BACH1: variants seen among roughly 807,000 people sequenced by gnomAD.
BACH1 encodes the protein transcription regulator protein BACH1.
In BACH1, 35 loss-of-function variants were observed where a neutral mutation model predicts 52.9. That is an observed-to-expected ratio of 0.66 (90% CI 0.51 to 0.88). The LOEUF (loss-of-function observed/expected upper bound fraction) is 0.88, where lower values mean the gene tolerates loss of function less well. Among genes scored for constraint, BACH1 ranks in the 40% least tolerant of loss-of-function variants. The pLI is 0.00. For missense variants in BACH1, 808 were observed against 872.6 expected, an observed-to-expected ratio of 0.93 and a Z score of 0.93; for synonymous variants, 321 against 319.6, an observed-to-expected ratio of 1.00 and a Z score of -0.05.
chr21:29,302,028 A>G (rs781096409), intron 1 of BACH1, among the ~76,000 whole-genome samples: 11 of 152,094 alleles, frequency 7.2e-5, no homozygotes, highest in Non-Finnish European at 1.6e-4. Context: ...TAAAATTACC[A>G]CTTGTCAGAT....
intron 1 of BACH1, among the ~76,000 whole-genome samples, chr21:29,305,812 G>T (rs1179330364): frequency 2.6e-5 from 4 of 152,176 alleles, no homozygotes; most frequent in African/African-American, 7.2e-5. Flanking sequence ...AATATTTGTG[G>T]CATTCCTACA....
At chr21:29,341,987 A>G (rs1219523185) in intron 4 of BACH1, among the ~76,000 whole-genome samples, 1 of 152,168 alleles carries the variant, frequency 6.6e-6, no homozygotes, top group Non-Finnish European at 1.5e-5. Flanking sequence ...AAGCTCCAAA[A>G]ACCGTATGTT....
intron 3 of BACH1, 21 bp downstream of exon 3, chr21:29,327,414 A>G (rs1399194634): frequency 7.5e-6 from 12 of 1,594,682 alleles, no homozygotes; most frequent in Non-Finnish European, 9.4e-6. Context: ...ATATGTTCTT[A>G]ATTCATTGTT....
At chr21:29,347,337 CAG>C (rs566164544), downstream of BACH1, among the ~76,000 whole-genome samples, 25 of 152,284 alleles carry the variant, frequency 1.6e-4, no homozygotes, top group East Asian at 3.9e-4. Flanking sequence ...AAAATGTAAA[CAG>C]GGAGCAAATT....
chr21:29,351,718 G>A (rs371284823), intron 2 of BACH1: 21 of 534,604 alleles, frequency 3.9e-5, no homozygotes, highest in Non-Finnish European at 8.1e-5. Context: ...CTCTGTTTCA[G>A]CTAAACAGTA....
chr21:29,349,093 C>CAA (rs35556925), downstream of BACH1, among the ~76,000 whole-genome samples: 9 of 122,398 alleles, frequency 7.4e-5, no homozygotes, highest in South Asian at 1.0e-3. Context: ...GACTCCGTCT[C>CAA]AAAAAAAAAA....
chr21:29,318,253 TG>T (rs754184464), intron 1 of BACH1, among the ~76,000 whole-genome samples: 9 of 152,162 alleles, frequency 5.9e-5, no homozygotes, highest in Non-Finnish European at 5.9e-5. Flanking sequence ...GATGATGGCT[TG>T]GATTAGAGTT....
At position 29,342,725 on chromosome 21, in the gene BACH1, G is replaced by A. The variant is rs1475072812; in HGVS notation, c.2103G>A (p.Met701Ile). The A allele has an allele frequency of 6.2e-7, 1 of 1,614,206 alleles. No homozygotes were observed. Among genetic ancestry groups the A allele is most frequent in the Non-Finnish European group, 8.5e-7 (1 of 1,180,046 alleles). Residue 701 changes from methionine (M) to isoleucine (I), a missense_variant, in exon 5 of 5, where the codon ATG (methionine) becomes ATA (isoleucine). Met to Ile is a conservative substitution (Grantham distance 10). Coordinates refer to ENST00000286800, the MANE Select transcript of BACH1 (RefSeq NM_001186.4). ...GYARGQESQQ[M>I]STATSEQAGP... The stretch of plus-strand genomic sequence containing the variant: ...CGCGAGGGCAGGAGTCCCAGCAGAT[G>A]TCCACAGCCACCTCTGAGCAAGCTG...
At chr21:29,325,314 A>G (rs2088897561) in intron 2 of BACH1, among the ~76,000 whole-genome samples, 1 of 152,140 alleles carries the variant, frequency 6.6e-6, no homozygotes, top group Admixed American at 6.5e-5. Flanking sequence ...TGTGCTTTTA[A>G]TCCAGGATGA....
At chr21:29,315,885 T>G (rs2088780599) in intron 1 of BACH1, among the ~76,000 whole-genome samples, 1 of 152,208 alleles carries the variant, frequency 6.6e-6, no homozygotes, top group Non-Finnish European at 1.5e-5. Flanking sequence ...TATTTGTGTT[T>G]TCTTGGCACT....
intron 2 of BACH1, among the ~76,000 whole-genome samples, chr21:29,324,231 CAAAAAAA>C (rs35915821): frequency 3.0e-4 from 19 of 63,174 alleles, no homozygotes; most frequent in South Asian, 1.7e-3. Context: ...GACTCTGCCT[CAAAAAAA>C]AAAAAAAAAA....
chr21:29,350,618 G>A (rs1363143922), downstream of BACH1, among the ~76,000 whole-genome samples: 1 of 152,210 alleles, frequency 6.6e-6, no homozygotes, highest in East Asian at 1.9e-4. Context: ...AGTGCTAGTG[G>A]TGCTATTTGG....
chr21:29,333,206 T>C (rs557349454), intron 4 of BACH1, among the ~76,000 whole-genome samples: 63 of 152,354 alleles, frequency 4.1e-4, no homozygotes, highest in African/African-American at 1.5e-3. Flanking sequence ...AATTTGACGT[T>C]TAAGATAGTT....
In BACH1 at chr21:29,318,510, G is replaced by T. The variant is rs563319858; in HGVS notation, c.-60-2711G>T. Among the ~76,000 whole-genome samples the T allele has an allele frequency of 2.0e-5, 3 of 152,230 alleles. No homozygotes were observed. In the South Asian group the frequency reaches 6.2e-4, roughly 31 times the overall value. On this transcript the variant is annotated intron_variant, in intron 1 of 4. Transcript: ENST00000286800. ...CCTGAATTTCTAGTTTCTCTCAGCT[G>T]CAGCTGACAGGACTTGGGGTTGGCA...
At chr21:29,299,129 C>G (rs1054275552) in intron 1 of BACH1, among the ~76,000 whole-genome samples, 176 bp downstream of exon 1, 5 of 151,486 alleles carry the variant, frequency 3.3e-5, no homozygotes, top group African/African-American at 1.2e-4. Flanking sequence ...GCGGGGGGCG[C>G]CGGCGGCCGG....
chr21:29,319,347 G>A (rs992915219), intron 1 of BACH1, among the ~76,000 whole-genome samples: 3 of 152,124 alleles, frequency 2.0e-5, no homozygotes, highest in African/African-American at 7.2e-5. Context: ...GGCATGGCAC[G>A]GGATTAAGAG....
rs1414668199 is a variant in BACH1 at position 29,343,049 on chromosome 21, T to A, written c.*216T>A. On this transcript the variant is annotated 3_prime_UTR_variant, in exon 5 of 5. Transcript: ENST00000286800. The stretch of plus-strand genomic sequence containing the variant: ...CTCCTGGATATCAGAAAAATCCATG[T>A]GAAAATGTAGTAAACCTTTAAAACT... 8.7e-6 allele frequency: 4 copies of A among 461,568 alleles called. No individual in the cohort carries two copies. The highest frequency in any genetic ancestry group is 7.2e-5 in the East Asian group (2 of 27,936). 28.6% of individuals were successfully genotyped at this position (461,568 alleles called of 1,614,324 possible).
chr21:29,322,515 G>C (rs1003628163), intron 2 of BACH1, among the ~76,000 whole-genome samples: 1 of 152,164 alleles, frequency 6.6e-6, no homozygotes, highest in African/African-American at 2.4e-5. Context: ...GGATGTGCTG[G>C]CTGTGCTGAC....
chr21:29,333,290 C>T (rs2089006268), intron 4 of BACH1, among the ~76,000 whole-genome samples: 1 of 152,088 alleles, frequency 6.6e-6, no homozygotes, highest in Non-Finnish European at 1.5e-5. Context: ...AAACAGAAAA[C>T]TAGGAGGGTT....
Sources: gnomAD v4.1 joint callset for allele counts (sites outside exome capture counted in the v4.1 genomes callset) on GRCh38, gnomAD v4.1.1 for gene constraint, MANE v1.5 for transcripts, NCBI Gene and HGNC (gene_info 2026-07-23, HGNC 2026-07-21) for gene names.